Variants in UGT1A10 observed in about 807,000 individuals in gnomAD.
The protein encoded by UGT1A10 is UDP glucuronosyltransferase family 1 member A10.
UGT1A10 carries 49 observed loss-of-function variants against 45.8 expected under a neutral mutation model. That is an observed-to-expected ratio of 1.07 (90% CI 0.85 to 1.36). The LOEUF is 1.36. UGT1A10 is among the 40% of genes most tolerant of loss of function. The pLI is 0.00. For synonymous variants in UGT1A10, 284 were observed against 249.7 expected (o/e 1.14, Z -1.29); for missense variants, 745 against 668.6 (o/e 1.11, Z -1.26).
intron 1 of UGT1A10, among the ~76,000 whole-genome samples, chr2:233,707,927 A>G (rs1373528154): frequency 6.6e-6 from 1 of 152,184 alleles, no homozygotes; most frequent in Non-Finnish European, 1.5e-5. Context: ...TTTAAAATAT[A>G]CTTATCAGTC....
At chr2:233,695,569 C>T (rs7607180) in intron 1 of UGT1A10, among the ~76,000 whole-genome samples, 104 of 151,972 alleles carry the variant, frequency 6.8e-4, no homozygotes, top group African/African-American at 2.2e-3. Context: ...TTTTCACCCC[C>T]CCTTCCCTAC....
At chr2:233,648,135 A>C (rs2073648399) in intron 1 of UGT1A10, 1 of 1,309,736 alleles carries the variant, frequency 7.6e-7, no homozygotes, top group Non-Finnish European at 1.0e-6. Flanking sequence ...AATGGGAAGC[A>C]GAAGTACGAC....
chr2:233,647,806 A>C, intron 1 of UGT1A10: 3 of 764,340 alleles, frequency 3.9e-6, no homozygotes, highest in Non-Finnish European at 6.0e-6. Flanking sequence ...AGATTTATCA[A>C]GTTAATTGAT....
At chr2:233,677,168 A>G (rs1229687116) in intron 1 of UGT1A10, among the ~76,000 whole-genome samples, 1 of 152,184 alleles carries the variant, frequency 6.6e-6, no homozygotes, top group Non-Finnish European at 1.5e-5. Flanking sequence ...GAGTTTTCCA[A>G]TTCATTAACA....
chr2:233,690,402 C>A (rs1273231905), intron 1 of UGT1A10: 16 of 1,162,780 alleles, frequency 1.4e-5, no homozygotes, highest in Non-Finnish European at 1.8e-5. Flanking sequence ...TTCCTATTCC[C>A]AACATGAAAT....
At chr2:233,737,925 G>A (rs1188589801) in intron 1 of UGT1A10, among the ~76,000 whole-genome samples, 1 of 152,078 alleles carries the variant, frequency 6.6e-6, no homozygotes, top group African/African-American at 2.4e-5. Context: ...AGTGTATTTA[G>A]TAGTGAGTCC....
chr2:233,757,752 A>C (rs979747575), intron 1 of UGT1A10, among the ~76,000 whole-genome samples: 1 of 151,642 alleles, frequency 6.6e-6, no homozygotes, highest in Non-Finnish European at 1.5e-5. Flanking sequence ...GGACATGTTT[A>C]TGTTGCTCCT....
intron 1 of UGT1A10, among the ~76,000 whole-genome samples, chr2:233,666,089 A>G (rs1345074163): frequency 1.3e-5 from 2 of 152,256 alleles, no homozygotes; most frequent in Non-Finnish European, 2.9e-5. Flanking sequence ...GACTCAGGCT[A>G]CTTCCACTCA....
intron 1 of UGT1A10, among the ~76,000 whole-genome samples, chr2:233,757,936 C>A (rs1430982400): frequency 6.6e-6 from 1 of 152,072 alleles, no homozygotes; most frequent in African/African-American, 2.4e-5. Context: ...AAAGCAAGAC[C>A]ATCATATTGC....
Position 233,637,039 on chromosome 2 carries a change from T to C in UGT1A10, c.517T>C (p.Phe173Leu). 1 of 1,614,026 alleles carries C rather than the reference T, an allele frequency of 6.2e-7. No individual in the cohort carries two copies. The highest frequency in any genetic ancestry group is 8.5e-7 in the Non-Finnish European group (1 of 1,179,906). Residue 173 changes from phenylalanine to leucine, a missense_variant, in exon 1 of 5, where the codon TTT becomes CTT. Phe to Leu is a conservative substitution (Grantham distance 22). Coordinates refer to ENST00000344644, the MANE Select transcript of UGT1A10 (RefSeq NM_019075.4). ...CTCTGTGGTCTTCACCAGGGGAATA[T>C]TTTGCCACCATCTTGAAGAAGGTGC... is the stretch of plus-strand genomic sequence containing the variant. ...LPSVVFTRGI[F>L]CHHLEEGAQC...
rs535794871 is a variant in UGT1A10, at chr2:233,717,576, G to C, written c.856-49458G>C. On this transcript the variant is annotated intron_variant, in intron 1 of 4. Coordinates refer to ENST00000344644, the MANE Select transcript of UGT1A10 (RefSeq NM_019075.4). ...AATGGCAGACATGGCCAGGCATGTA[G>C]ACACAGAGGTAGTGAGATGGAAAGT... Among the ~76,000 whole-genome samples, 4 of 152,362 alleles carry C rather than the reference G, an allele frequency of 2.6e-5. No homozygotes were observed. In the East Asian group the frequency reaches 7.7e-4, roughly 29 times the overall value.
chr2:233,693,483 CTGAG>C lies in UGT1A10; in HGVS notation c.855+56108_855+56111del, dbSNP rs757700333. The C allele has an allele frequency of 1.9e-6, 3 of 1,614,050 alleles. No individual in the cohort carries two copies. In the African/African-American group the frequency reaches 4.0e-5, roughly 22 times the overall value. ...GCCTTACCCTGTGGGGTGATCCTGGCTGAGTATTTGGGCCTACCATCTGTGTACC... is the reference window on the plus strand; with the variant it reads ...GCCTTACCCTGTGGGGTGATCCTGGCTATTTGGGCCTACCATCTGTGTACC... On this transcript the variant is annotated intron_variant, in intron 1 of 4. Transcript: ENST00000344644.
At chr2:233,643,670 G>A (rs907774578) in intron 1 of UGT1A10, among the ~76,000 whole-genome samples, 1 of 152,132 alleles carries the variant, frequency 6.6e-6, no homozygotes, top group Non-Finnish European at 1.5e-5. Flanking sequence ...CTCACCTAGA[G>A]CCAGTAAGTC....
At chr2:233,766,269 TCGG>T (rs1349388778) in intron 1 of UGT1A10, among the ~76,000 whole-genome samples, 29 of 67,888 alleles carry the variant, frequency 4.3e-4, no homozygotes, top group Admixed American at 8.2e-4. Context: ...TGGCCCGGGC[TCGG>T]TGGCCCGGGC....
intron 1 of UGT1A10, chr2:233,754,615 C>T (rs1360410521): frequency 2.3e-6 from 1 of 438,040 alleles, no homozygotes; most frequent in Non-Finnish European, 4.6e-6. Context: ...TCTCCATCTT[C>T]CTCCACTTCC....
rs560806215 is a variant in UGT1A10 at position 233,637,810 on chromosome 2, AT to A, written c.855+435del. Among the ~76,000 whole-genome samples, 334 of 152,316 alleles carry A rather than the reference AT, an allele frequency of 2.2e-3. 1 individual carries two copies. The highest frequency in any genetic ancestry group is 7.5e-3 in the African/African-American group (313 of 41,580). On this transcript the variant is annotated intron_variant, in intron 1 of 4. Coordinates refer to ENST00000344644, the MANE Select transcript of UGT1A10 (RefSeq NM_019075.4). Reference sequence around the variant, plus strand: ...CTATTTAGTAAAAATAAAATCTAGTATTGGGCTGAACATATTCTTCTTTATC... The same window carrying A: ...CTATTTAGTAAAAATAAAATCTAGTATGGGCTGAACATATTCTTCTTTATC...
At chr2:233,639,740 C>T (rs2073398379) in intron 1 of UGT1A10, among the ~76,000 whole-genome samples, 1 of 152,174 alleles carries the variant, frequency 6.6e-6, no homozygotes. Flanking sequence ...AATACTTTAA[C>T]AATGATGGCA....
chr2:233,724,161 C>A (rs1575550445), intron 1 of UGT1A10, among the ~76,000 whole-genome samples: 1 of 122,434 alleles, frequency 8.2e-6, no homozygotes, highest in African/African-American at 3.7e-5. Context: ...GGTGGGGGGG[C>A]TGACCCCCCC....
At chr2:233,697,735 G>A (rs1186462702) in intron 1 of UGT1A10, among the ~76,000 whole-genome samples, 1 of 151,658 alleles carries the variant, frequency 6.6e-6, no homozygotes, top group East Asian at 1.9e-4. Flanking sequence ...CTTAGTTCTG[G>A]TTTTGCTATA....
Sources: allele counts gnomAD v4.1 joint callset (sites outside exome capture counted in the v4.1 genomes callset), GRCh38; gene constraint gnomAD v4.1.1; transcripts MANE v1.5; gene names NCBI Gene and HGNC (gene_info 2026-07-23, HGNC 2026-07-21).